PTPRR: variants seen among roughly 807,000 people sequenced by gnomAD.
PTPRR encodes receptor-type tyrosine-protein phosphatase R.
Under a neutral mutation model 77.2 loss-of-function variants are expected in PTPRR, and 38 were observed. That is an observed-to-expected ratio of 0.49 (90% CI 0.38 to 0.65). The LOEUF (loss-of-function observed/expected upper bound fraction) is 0.65, where lower values mean the gene tolerates loss of function less well. Ranked by LOEUF, PTPRR falls within the 30% of genes least tolerant of loss-of-function variation. The pLI, the probability that PTPRR is intolerant of heterozygous loss-of-function variation, is 0.00. For synonymous variants in PTPRR, 299 were observed against 283.1 expected, an observed-to-expected ratio of 1.06 and a Z score of -0.57; for missense variants, 744 against 799.2, an observed-to-expected ratio of 0.93 and a Z score of 0.83.
intron 2 of PTPRR, among the ~76,000 whole-genome samples, chr12:70,868,349 A>C (rs372449329): frequency 2.2e-4 from 24 of 109,146 alleles, no homozygotes; most frequent in East Asian, 1.0e-3. Flanking sequence ...AAGAAAAAAA[A>C]AAACAACCCC....
chr12:70,915,205 G>T (rs1404844223), intron 1 of PTPRR, among the ~76,000 whole-genome samples: 5 of 152,158 alleles, frequency 3.3e-5, no homozygotes, highest in African/African-American at 7.2e-5. Context: ...AAGTACTATA[G>T]AAATGCATTG....
At chr12:70,874,986 A>C (rs1356279155) in intron 2 of PTPRR, among the ~76,000 whole-genome samples, 2 of 151,976 alleles carry the variant, frequency 1.3e-5, no homozygotes, top group Non-Finnish European at 2.9e-5. Context: ...AAATAAAAGC[A>C]CTAGCACGTA....
At chr12:70,696,069 A>C (rs757697751) in intron 8 of PTPRR, among the ~76,000 whole-genome samples, 46 of 152,250 alleles carry the variant, frequency 3.0e-4, no homozygotes, top group Non-Finnish European at 2.8e-4. Flanking sequence ...AGTTAAAAAG[A>C]CTTTGTGGCT....
chr12:70,809,936 C>T (rs1891780385), intron 2 of PTPRR, among the ~76,000 whole-genome samples: 1 of 152,144 alleles, frequency 6.6e-6, no homozygotes, highest in Non-Finnish European at 1.5e-5. Context: ...CAAAGGTGAG[C>T]TCAGAATGTT....
intron 2 of PTPRR, among the ~76,000 whole-genome samples, chr12:70,782,908 T>C (rs1311761086): frequency 6.6e-6 from 1 of 152,166 alleles, no homozygotes; most frequent in Non-Finnish European, 1.5e-5. Flanking sequence ...AAGGCAGACT[T>C]GGGTTCAAAC....
intron 2 of PTPRR, among the ~76,000 whole-genome samples, chr12:70,838,924 G>A (rs1892349429): frequency 6.6e-6 from 1 of 152,088 alleles, no homozygotes; most frequent in Non-Finnish European, 1.5e-5. Context: ...AGTGTCCACT[G>A]AACATATGGA....
rs1490793979 is a variant in PTPRR at position 70,764,744 on chromosome 12, G to C, written c.392C>G (p.Thr131Ser). The C allele has an allele frequency of 6.2e-7, 1 of 1,614,062 alleles. No individual in the cohort carries two copies. Among genetic ancestry groups the C allele is most frequent in the Admixed American group, 1.7e-5 (1 of 60,020 alleles). Residue 131 changes from threonine (T) to serine (S), a missense_variant, in exon 3 of 14, where the codon ACC (threonine) becomes AGC (serine). Coordinates refer to ENST00000283228, the MANE Select transcript of PTPRR (RefSeq NM_002849.4). ...LQMDVNKLNI[T>S]LLRIFRQGVA... ...TCCTTGGCGGAAGATCCGAAGCAAG[G>C]TTATGTTCAGCTTGTTTACATCCAT...
chr12:70,689,164 A>G (rs1887973331), intron 8 of PTPRR, among the ~76,000 whole-genome samples: 1 of 152,120 alleles, frequency 6.6e-6, no homozygotes, highest in Non-Finnish European at 1.5e-5. Context: ...AAATAGCTGA[A>G]ATAATGGGAT....
intron 12 of PTPRR, 118 bp downstream of exon 12, chr12:70,660,822 A>G (rs1886771063): frequency 2.9e-6 from 3 of 1,041,070 alleles, no homozygotes; most frequent in African/African-American, 3.3e-5. Context: ...ACCAATTTCA[A>G]TAAATATTTA....
intron 2 of PTPRR, among the ~76,000 whole-genome samples, chr12:70,848,504 G>C (rs1268587782): frequency 6.6e-6 from 1 of 151,938 alleles, no homozygotes; most frequent in African/African-American, 2.4e-5. Flanking sequence ...TTTTATTTTT[G>C]GTAGTGACAG....
chr12:70,764,617 C>CACTAAAGGCGTGAAT, intron 3 of PTPRR, 48 bp downstream of exon 3: 2 of 1,475,642 alleles, frequency 1.4e-6, no homozygotes, highest in South Asian at 2.3e-5. Flanking sequence ...ATTAAAAAAA[C>CACTAAAGGCGTGAAT]CACACACACG....
At chr12:70,835,207 A>C (rs1416835553) in intron 2 of PTPRR, among the ~76,000 whole-genome samples, 15 of 152,160 alleles carry the variant, frequency 9.9e-5, no homozygotes, top group Admixed American at 9.8e-4. Flanking sequence ...GATTGCTTTT[A>C]TGATTAAAAG....
chr12:70,735,445 C>T (rs978038855), intron 6 of PTPRR, among the ~76,000 whole-genome samples: 6 of 152,076 alleles, frequency 3.9e-5, no homozygotes, highest in Admixed American at 6.5e-5. Flanking sequence ...CATCAGATCT[C>T]GTGAGACTTA....
chr12:70,675,220 T>A (rs559887663), intron 10 of PTPRR, among the ~76,000 whole-genome samples: 1 of 152,170 alleles, frequency 6.6e-6, no homozygotes, highest in South Asian at 2.1e-4. Flanking sequence ...GTAGGCAGCA[T>A]TTAACTGAAT....
At chr12:70,851,502 T>C (rs1892571172) in intron 2 of PTPRR, among the ~76,000 whole-genome samples, 1 of 152,158 alleles carries the variant, frequency 6.6e-6, no homozygotes, top group South Asian at 2.1e-4. Flanking sequence ...ACTTTCTTAC[T>C]AGATATGGCA....
intron 10 of PTPRR, among the ~76,000 whole-genome samples, chr12:70,675,080 T>C (rs1887393688): frequency 6.6e-6 from 1 of 152,116 alleles, no homozygotes; most frequent in Admixed American, 6.5e-5. Flanking sequence ...CTCTAGTAAT[T>C]ATTCTTTTGA....
At chr12:70,737,189 C>T (rs1889890943) in intron 6 of PTPRR, among the ~76,000 whole-genome samples, 2 of 152,256 alleles carry the variant, frequency 1.3e-5, no homozygotes, top group East Asian at 3.9e-4. Context: ...CAAGGTGAGA[C>T]AACTGTCCAT....
intron 3 of PTPRR, among the ~76,000 whole-genome samples, chr12:70,764,244 T>A (rs1279300556): frequency 6.6e-6 from 1 of 152,066 alleles, no homozygotes; most frequent in Non-Finnish European, 1.5e-5. Context: ...TGAAAGTATA[T>A]CAATAATGTC....
At chr12:70,891,292 T>A (rs191174495) in intron 2 of PTPRR, among the ~76,000 whole-genome samples, 1 of 152,262 alleles carries the variant, frequency 6.6e-6, no homozygotes, top group Admixed American at 6.5e-5. Flanking sequence ...CCTCTTGAAC[T>A]GTAATTCACA....
Sources: gnomAD v4.1 joint callset for allele counts (sites outside exome capture counted in the v4.1 genomes callset) on GRCh38, gnomAD v4.1.1 for gene constraint, MANE v1.5 for transcripts, NCBI Gene and HGNC (gene_info 2026-07-23, HGNC 2026-07-21) for gene names.